NAA11: variants seen among roughly 807,000 people sequenced by gnomAD.
NAA11 encodes the protein N-alpha-acetyltransferase 11.
In NAA11, 15 loss-of-function variants were observed where a neutral mutation model predicts 16.1. That is an observed-to-expected ratio of 0.93 (90% CI 0.62 to 1.44). NAA11 has a LOEUF of 1.44. Ranked by LOEUF, NAA11 falls within the 40% of genes most tolerant of loss-of-function variation. The probability of loss-of-function intolerance (pLI) is 0.00; values close to 1 mark genes in which losing one functional copy is unlikely to be tolerated. For missense variants in NAA11, 298 were observed against 291.3 expected (o/e 1.02, Z -0.17); for synonymous variants, 122 against 112.4 (o/e 1.09, Z -0.54).
At chr4:79,294,812 A>G (rs955486640) in intron 1 of NAA11, among the ~76,000 whole-genome samples, 3 of 152,162 alleles carry the variant, frequency 2.0e-5, no homozygotes, top group East Asian at 1.9e-4. Flanking sequence ...ATAATATACA[A>G]TTTGTATACT....
chr4:79,182,538 C>A, the NAA11 span, among the ~76,000 whole-genome samples: 1 of 152,058 alleles, frequency 6.6e-6, no homozygotes, highest in South Asian at 2.1e-4. Flanking sequence ...CCCCAATTAA[C>A]GAGAGGATCA....
chr4:79,190,201 C>T, the NAA11 span, among the ~76,000 whole-genome samples: 1 of 152,028 alleles, frequency 6.6e-6, no homozygotes, highest in African/African-American at 2.4e-5. Flanking sequence ...TTCTTCTGTG[C>T]ACTGCAAAAC....
At chr4:79,323,978 G>C (rs1724180090) in intron 1 of NAA11, among the ~76,000 whole-genome samples, 1 of 150,596 alleles carries the variant, frequency 6.6e-6, no homozygotes, top group Non-Finnish European at 1.5e-5. Context: ...ACTCCAGCCT[G>C]GGCGACAGAA....
downstream of NAA11, among the ~76,000 whole-genome samples, chr4:79,313,963 A>G (rs1392400716): frequency 2.6e-5 from 4 of 152,176 alleles, no homozygotes; most frequent in Non-Finnish European, 5.9e-5. Flanking sequence ...GACAAATTTC[A>G]TGGTGTGATT....
chr4:79,197,001 A>G, the NAA11 span, among the ~76,000 whole-genome samples: 2 of 150,980 alleles, frequency 1.3e-5, no homozygotes, highest in Non-Finnish European at 3.0e-5. Flanking sequence ...GAAAGAAAGA[A>G]AAAGGATTCT....
chr4:79,276,739 A>T (rs906820788), intron 2 of NAA11, among the ~76,000 whole-genome samples: 1 of 152,128 alleles, frequency 6.6e-6, no homozygotes, highest in Non-Finnish European at 1.5e-5. Flanking sequence ...GAGGAAAAAT[A>T]AACATCATAA....
At chr4:79,269,234 G>A in intron 2 of NAA11, among the ~76,000 whole-genome samples, 1 of 149,168 alleles carries the variant, frequency 6.7e-6, no homozygotes. Context: ...GGATGGCTGG[G>A]TCAAATGGTA....
intron 2 of NAA11, among the ~76,000 whole-genome samples, chr4:79,241,438 G>C (rs1358081339): frequency 6.6e-6 from 1 of 152,158 alleles, no homozygotes; most frequent in South Asian, 2.1e-4. Context: ...ATGGTGGAGG[G>C]TTGGCACCTC....
chr4:79,164,809 T>C, the NAA11 span, among the ~76,000 whole-genome samples: 1 of 152,174 alleles, frequency 6.6e-6, no homozygotes, highest in African/African-American at 2.4e-5. Flanking sequence ...AAGAGTATAA[T>C]GTGTGCAAGG....
chr4:79,166,739 C>T, the NAA11 span, among the ~76,000 whole-genome samples: 13,302 of 148,516 alleles, frequency 0.09, 738 homozygotes, highest in Middle Eastern at 0.15. Flanking sequence ...CGTGGTGGCA[C>T]GCACCTGTAG....
chr4:79,191,194 G>A, the NAA11 span, among the ~76,000 whole-genome samples: 1 of 152,174 alleles, frequency 6.6e-6, no homozygotes, highest in Non-Finnish European at 1.5e-5. Context: ...ACCCAGCAAT[G>A]GGATTGCTGG....
chr4:79,255,523 G>A (rs1239570886), intron 2 of NAA11, among the ~76,000 whole-genome samples: 1 of 152,068 alleles, frequency 6.6e-6, no homozygotes, highest in African/African-American at 2.4e-5. Context: ...TATCCTAAGT[G>A]AGTCCTTAAA....
the NAA11 span, among the ~76,000 whole-genome samples, chr4:79,208,281 C>A: frequency 6.6e-6 from 1 of 152,120 alleles, no homozygotes; most frequent in Admixed American, 6.5e-5. Context: ...AAAAATAATA[C>A]AATAATATTA....
intron 2 of NAA11, among the ~76,000 whole-genome samples, chr4:79,242,272 A>G (rs945447732): frequency 2.3e-5 from 1 of 42,956 alleles, no homozygotes; most frequent in Non-Finnish European, 9.5e-5. Flanking sequence ...TGTTAGTTTC[A>G]GCTAGTTCCA....
intron 1 of NAA11, among the ~76,000 whole-genome samples, chr4:79,308,098 GA>G (rs144549981): frequency 0.034 from 5,148 of 152,088 alleles, 107 homozygotes; most frequent in African/African-American, 0.045. Flanking sequence ...AGAAGAAGGG[GA>G]AAAAAATCCT....
the NAA11 span, among the ~76,000 whole-genome samples, chr4:79,204,014 G>T: frequency 1.6e-4 from 24 of 151,938 alleles, no homozygotes; most frequent in Non-Finnish European, 3.1e-4. Flanking sequence ...ATTCATTTTT[G>T]TGAGGATTCA....
At chr4:79,272,904 A>T (rs143454722) in intron 2 of NAA11, among the ~76,000 whole-genome samples, 40 of 151,954 alleles carry the variant, frequency 2.6e-4, no homozygotes, top group African/African-American at 8.9e-4. Flanking sequence ...GGAACAGTTG[A>T]TGGGGGCTGC....
chr4:79,315,168 A>G (rs1380333690), downstream of NAA11, among the ~76,000 whole-genome samples: 1 of 152,028 alleles, frequency 6.6e-6, no homozygotes, highest in Non-Finnish European at 1.5e-5. Flanking sequence ...TTAGAAATGC[A>G]GATACTCAGG....
At chr4:79,314,443 T>TA (rs1266860843), downstream of NAA11, among the ~76,000 whole-genome samples, 2 of 152,058 alleles carry the variant, frequency 1.3e-5, no homozygotes, top group Non-Finnish European at 1.5e-5. Flanking sequence ...GGAGGGTTGT[T>TA]AAAAATACGG....
Sources: gnomAD v4.1 joint callset for allele counts (sites outside exome capture counted in the v4.1 genomes callset) on GRCh38, gnomAD v4.1.1 for gene constraint, MANE v1.5 for transcripts, NCBI Gene and HGNC (gene_info 2026-07-23, HGNC 2026-07-21) for gene names.